The following BBS9 variants were observed in gnomAD, a reference collection of about 807,000 sequenced individuals.
BBS9 encodes the protein Bardet-Biedl syndrome 9, also known as protein PTHB1.
Under a neutral mutation model 117.7 loss-of-function variants are expected in BBS9, and 89 were observed. That is an observed-to-expected ratio of 0.76 (90% CI 0.64 to 0.90). The LOEUF (loss-of-function observed/expected upper bound fraction) is 0.90. BBS9 is among the 40% of genes least tolerant of loss of function. The pLI is 0.00. For synonymous variants in BBS9, 379 were observed against 370.9 expected, an observed-to-expected ratio of 1.02 and a Z score of -0.25; for missense variants, 982 against 1,042.2, an observed-to-expected ratio of 0.94 and a Z score of 0.80.
chr7:33,610,151 G>A (rs1864784033), downstream of BBS9, among the ~76,000 whole-genome samples: 4 of 152,080 alleles, frequency 2.6e-5, no homozygotes, highest in Admixed American at 6.6e-5. Flanking sequence ...GAGAGTGAGC[G>A]AGCGAGATAG....
intron 5 of BBS9, among the ~76,000 whole-genome samples, chr7:33,194,795 G>A (rs1035015021): frequency 1.3e-5 from 2 of 152,104 alleles, no homozygotes; most frequent in African/African-American, 4.8e-5. Flanking sequence ...TGATGTTTCT[G>A]TTTCCTGGAG....
At chr7:33,175,738 T>C (rs566608543) in intron 4 of BBS9, among the ~76,000 whole-genome samples, 7 of 152,200 alleles carry the variant, frequency 4.6e-5, no homozygotes, top group Middle Eastern at 3.4e-3. Flanking sequence ...TCTTTACTTA[T>C]CTTAGGTTCT....
At chr7:33,384,715 T>TGAGAGAGAGAGA (rs60567131) in intron 18 of BBS9, among the ~76,000 whole-genome samples, 3 of 144,718 alleles carry the variant, frequency 2.1e-5, no homozygotes, top group African/African-American at 7.5e-5. Flanking sequence ...TGTGTGTGTG[T>TGAGAGAGAGAGA]GAGAGAGAGA....
intron 19 of BBS9, among the ~76,000 whole-genome samples, chr7:33,420,524 A>G (rs577303761): frequency 6.6e-6 from 1 of 152,286 alleles, no homozygotes; most frequent in South Asian, 2.1e-4. Context: ...TTGGGCAGGA[A>G]TCCATGCTGA....
At chr7:33,273,359 A>G (rs1436853064) in intron 8 of BBS9, among the ~76,000 whole-genome samples, 164 bp downstream of exon 8, 1 of 152,232 alleles carries the variant, frequency 6.6e-6, no homozygotes, top group Non-Finnish European at 1.5e-5. Context: ...GAAGTTTGAT[A>G]TAAAGCACAC....
chr7:33,236,465 C>T (rs1356254254), intron 5 of BBS9, among the ~76,000 whole-genome samples: 1 of 151,608 alleles, frequency 6.6e-6, no homozygotes, highest in Non-Finnish European at 1.5e-5. Flanking sequence ...TATACACATA[C>T]ATACTTTAAA....
At chr7:33,231,559 C>G (rs1381583768) in intron 5 of BBS9, among the ~76,000 whole-genome samples, 1 of 149,878 alleles carries the variant, frequency 6.7e-6, no homozygotes, top group African/African-American at 2.5e-5. Context: ...CTATTTGGTT[C>G]CATATAAACT....
At position 33,273,155 on chromosome 7, in the gene BBS9, G is replaced by GC; in HGVS notation, c.847dup (p.Leu283ProfsTer2). ...ATGGACAAATTCGATTCATGAAGAA[G>GC]CTTGATTGGAGCCCAAGTTGTTTTC... On this transcript the variant is annotated frameshift_variant, in exon 8 of 23. Coordinates refer to ENST00000242067, the MANE Select transcript of BBS9 (RefSeq NM_198428.3). LOFTEE classifies it high-confidence loss of function. The GC allele has an allele frequency of 6.2e-7, 1 of 1,613,668 alleles. No individual in the cohort carries two copies.
At position 33,146,385 on chromosome 7, in the gene BBS9, C is replaced by A. The variant is rs533453805; in HGVS notation, c.112+21C>A. On this transcript the variant is annotated intron_variant, in intron 2 of 22. Transcript: ENST00000242067. ...ACAAGGTAAGCAACTTACAACCATA[C>A]ATCTTGGATGAAAGTTTTAAAGAGA... 1.0e-5 allele frequency: 16 copies of A among 1,561,444 alleles called. 1 individual carries two copies. In the South Asian group the frequency reaches 1.4e-4, roughly 14 times the overall value.
At chr7:33,363,111 A>C (rs532695071) in intron 16 of BBS9, among the ~76,000 whole-genome samples, 3 of 151,932 alleles carry the variant, frequency 2.0e-5, no homozygotes, top group South Asian at 2.1e-4. Flanking sequence ...AATTTATTTT[A>C]TTTTCTTTTG....
chr7:33,616,830 A>T (rs948488927), intron 21 of BBS9, among the ~76,000 whole-genome samples: 1 of 151,932 alleles, frequency 6.6e-6, no homozygotes, highest in African/African-American at 2.4e-5. Context: ...ATTATATCCC[A>T]TGTATAATTT....
At chr7:33,469,161 G>A (rs1470825760) in intron 19 of BBS9, among the ~76,000 whole-genome samples, 1 of 152,094 alleles carries the variant, frequency 6.6e-6, no homozygotes, top group Non-Finnish European at 1.5e-5. Context: ...ATCTGAGGGA[G>A]AATAAAGAGA....
At chr7:33,385,969 C>T (rs920482571) in intron 18 of BBS9, among the ~76,000 whole-genome samples, 1 of 151,754 alleles carries the variant, frequency 6.6e-6, no homozygotes, top group South Asian at 2.1e-4. Flanking sequence ...CATCACACAC[C>T]GGGGCCTGTT....
chr7:33,597,859 A>G (rs564078212), intron 21 of BBS9, among the ~76,000 whole-genome samples: 2 of 149,604 alleles, frequency 1.3e-5, no homozygotes, highest in South Asian at 4.3e-4. Flanking sequence ...TGGTGCAGAA[A>G]GTGCATGTAT....
chr7:33,531,253 AGAGG>A (rs1357601841), intron 20 of BBS9, among the ~76,000 whole-genome samples: 3 of 152,124 alleles, frequency 2.0e-5, no homozygotes, highest in East Asian at 1.9e-4. Context: ...CTCAATAGAG[AGAGG>A]GAGACAGAGA....
At chr7:33,352,782 TG>T in intron 14 of BBS9, 76 bp from the exon 15 acceptor site, 1 of 1,506,364 alleles carries the variant, frequency 6.6e-7, no homozygotes, top group Non-Finnish European at 9.2e-7. Context: ...GTGTCAAATT[TG>T]TGTTGTAACT....
At chr7:33,138,246 C>G (rs1052014472) in intron 1 of BBS9, among the ~76,000 whole-genome samples, 3 of 147,220 alleles carry the variant, frequency 2.0e-5, no homozygotes, top group African/African-American at 7.2e-5. Context: ...AGAGGACCAG[C>G]TGATTGATGG....
At chr7:33,582,525 C>CAT (rs1860138069) in intron 21 of BBS9, among the ~76,000 whole-genome samples, 2 of 134,252 alleles carry the variant, frequency 1.5e-5, no homozygotes, top group Admixed American at 1.5e-4. Context: ...TTCTACAATA[C>CAT]ACACACACAC....
Position 33,383,674 on chromosome 7 carries a change from C to T in BBS9, c.1798C>T (p.Arg600Cys), listed in dbSNP as rs775703296. 45 of 1,605,486 alleles carry T rather than the reference C, an allele frequency of 2.8e-5. No individual in the cohort carries two copies. Among genetic ancestry groups the T allele is most frequent in the Admixed American group, 1.2e-4 (7 of 59,344 alleles). Residue 600 changes from arginine to cysteine, a missense_variant, in exon 18 of 23, where the codon CGC becomes TGC. By Grantham distance (180) the Arg-to-Cys change is radical. Transcript: ENST00000242067. Reference protein sequence around the residue: ...VLASKTSQRYRIQSEQFEDLW... With the variant: ...VLASKTSQRYCIQSEQFEDLW... ...TAATTTTTTTCTCTCAGAACGATAT[C>T]GCATTCAGAGTGAACAATTTGAAGA... is the stretch of plus-strand genomic sequence containing the variant.
Sources: allele counts gnomAD v4.1 joint callset (sites outside exome capture counted in the v4.1 genomes callset), GRCh38; gene constraint gnomAD v4.1.1; transcripts MANE v1.5; gene names NCBI Gene and HGNC (gene_info 2026-07-23, HGNC 2026-07-21).